FBXL13: variants seen among roughly 807,000 people sequenced by gnomAD.
FBXL13 encodes the protein F-box and leucine rich repeat protein 13.
A neutral mutation model predicts 83.6 loss-of-function variants in FBXL13; 67 were observed. That is an observed-to-expected ratio of 0.80 (90% CI 0.66 to 0.98). The LOEUF is 0.98. Among genes scored for constraint, FBXL13 ranks in the 50% least tolerant of loss-of-function variants. The probability of loss-of-function intolerance (pLI) is 0.00; values close to 1 mark genes in which losing one functional copy is unlikely to be tolerated. For missense variants in FBXL13, 822 were observed against 866.5 expected (o/e 0.95, Z 0.64); for synonymous variants, 272 against 299.5 (o/e 0.91, Z 0.95).
chr7:103,069,538 G>A (rs981064526), intron 1 of FBXL13, among the ~76,000 whole-genome samples: 3 of 152,198 alleles, frequency 2.0e-5, no homozygotes, highest in Non-Finnish European at 4.4e-5. Flanking sequence ...TGAGGAGACA[G>A]AGACTGGCTA....
At chr7:102,924,870 C>A (rs1817790205) in intron 10 of FBXL13, among the ~76,000 whole-genome samples, 1 of 151,906 alleles carries the variant, frequency 6.6e-6, no homozygotes, top group African/African-American at 2.4e-5. Context: ...ACCTCATGAT[C>A]CACCCGCCCC....
At chr7:103,002,619 T>G (rs1790519916) in intron 6 of FBXL13, among the ~76,000 whole-genome samples, 1 of 152,208 alleles carries the variant, frequency 6.6e-6, no homozygotes, top group Non-Finnish European at 1.5e-5. Context: ...TCTTTAAGCT[T>G]TTGTTTGCCT....
chr7:103,025,180 G>T, exon 6 of FBXL13: 2 of 1,605,732 alleles, frequency 1.2e-6, no homozygotes, highest in Non-Finnish European at 1.7e-6. Context: ...CAGCTCTTTT[G>T]AGTATTAACC....
chr7:103,029,539 G>T (rs1006756254), intron 2 of FBXL13, 121 bp from the exon 4 acceptor site: 5 of 485,244 alleles, frequency 1.0e-5, no homozygotes, highest in Non-Finnish European at 1.8e-5. Context: ...GAATTGGGCA[G>T]TTGGAGACAG....
intron 2 of FBXL13, 138 bp downstream of exon 3, chr7:103,054,950 C>T: frequency 2.5e-6 from 1 of 393,332 alleles, no homozygotes; most frequent in Admixed American, 3.8e-5. Context: ...ATGTGTGTGG[C>T]TATTCCTTCA....
At chr7:102,933,022 A>G (rs1470699513) in intron 8 of FBXL13, 2 of 152,236 alleles carry the variant, frequency 1.3e-5, no homozygotes, top group Non-Finnish European at 2.9e-5. Flanking sequence ...CACTAACAGT[A>G]AACAAAAGAA....
At chr7:102,925,301 G>A (rs140713774) in intron 10 of FBXL13, among the ~76,000 whole-genome samples, 2,010 of 152,172 alleles carry the variant, frequency 0.013, 21 homozygotes, top group Middle Eastern at 0.034. Context: ...AGGCTGAGGC[G>A]GGAGGATTGT....
At chr7:102,844,348 C>T (rs1364777758) in intron 17 of FBXL13, among the ~76,000 whole-genome samples, 1 of 152,162 alleles carries the variant, frequency 6.6e-6, no homozygotes, top group Non-Finnish European at 1.5e-5. Context: ...AGAAATAAAA[C>T]TGCACAGGAC....
chr7:103,055,142 A>C (rs1414712402), intron 2 of FBXL13: 1 of 1,289,286 alleles, frequency 7.8e-7, no homozygotes, highest in South Asian at 1.2e-5. Flanking sequence ...ACAATCTTCG[A>C]ATGTTTGGTT....
At chr7:102,823,721 T>C (rs1018892653) in intron 18 of FBXL13, among the ~76,000 whole-genome samples, 2 of 152,226 alleles carry the variant, frequency 1.3e-5, no homozygotes, top group Non-Finnish European at 2.9e-5. Context: ...CTGAAAAACA[T>C]AGGCCGTGAG....
rs372873897 is a variant in FBXL13, at chr7:102,905,384, T to C, written c.1008+7702A>G. 1.8e-4 allele frequency among the ~76,000 whole-genome samples: 27 copies of C among 152,356 alleles called. No homozygotes were observed. In the East Asian group the frequency reaches 4.4e-3, roughly 25 times the overall value. On this transcript the variant is annotated intron_variant, in intron 11 of 19. Transcript: ENST00000313221. ...TAGTGACCTTCTTTGTCTGTTCTTATAGTTTTGGTCTTAAAACCTATTTTG... is the reference window on the plus strand; with the variant it reads ...TAGTGACCTTCTTTGTCTGTTCTTACAGTTTTGGTCTTAAAACCTATTTTG...
chr7:102,843,558 T>A (rs1445808914), intron 17 of FBXL13, among the ~76,000 whole-genome samples: 1 of 151,972 alleles, frequency 6.6e-6, no homozygotes, highest in Non-Finnish European at 1.5e-5. Flanking sequence ...GTGGATCACT[T>A]GAGGTCAGGA....
chr7:103,019,990 C>G (rs938789110), intron 6 of FBXL13, among the ~76,000 whole-genome samples: 7 of 152,172 alleles, frequency 4.6e-5, no homozygotes, highest in African/African-American at 1.7e-4. Context: ...CAGCATCATC[C>G]TGATACGAAA....
intron 8 of FBXL13, among the ~76,000 whole-genome samples, chr7:102,960,014 G>T (rs1373225377): frequency 6.6e-6 from 1 of 152,032 alleles, no homozygotes; most frequent in Non-Finnish European, 1.5e-5. Context: ...TAGAAAAACA[G>T]AAAACTAATA....
intron 2 of FBXL13, among the ~76,000 whole-genome samples, chr7:103,046,637 C>T (rs1172366773): frequency 6.6e-6 from 1 of 152,142 alleles, no homozygotes; most frequent in Non-Finnish European, 1.5e-5. Flanking sequence ...TATAAGTGCA[C>T]ATAATAGACC....
chr7:102,926,340 G>C, exon 10 of FBXL13: 8 of 1,613,816 alleles, frequency 5.0e-6, no homozygotes, highest in Non-Finnish European at 6.8e-6. Context: ...CAGGACCCCC[G>C]GGCAGCCCTC....
At chr7:102,972,965 T>C (rs1246173104) in intron 6 of FBXL13, among the ~76,000 whole-genome samples, 4 of 152,188 alleles carry the variant, frequency 2.6e-5, no homozygotes, top group Non-Finnish European at 5.9e-5. Flanking sequence ...GGTTAAAATG[T>C]GATGTTTTGA....
chr7:102,997,241 C>G (rs1259461880), intron 6 of FBXL13, among the ~76,000 whole-genome samples: 1 of 152,104 alleles, frequency 6.6e-6, no homozygotes, highest in South Asian at 2.1e-4. Flanking sequence ...TAGATCTGCA[C>G]CATCTTTCTT....
chr7:103,053,082 T>C (rs1258863338), intron 2 of FBXL13, among the ~76,000 whole-genome samples: 2 of 151,838 alleles, frequency 1.3e-5, no homozygotes, highest in East Asian at 3.9e-4. Flanking sequence ...AATAAAACTT[T>C]AGGTTTGAAG....
Sources: allele counts gnomAD v4.1 joint callset (sites outside exome capture counted in the v4.1 genomes callset), GRCh38; gene constraint gnomAD v4.1.1; transcripts MANE v1.5; gene names NCBI Gene and HGNC (gene_info 2026-07-23, HGNC 2026-07-21).